The following DMD variants were observed in gnomAD, a reference collection of about 807,000 sequenced individuals.
The protein encoded by DMD is dystrophin.
Under a neutral mutation model 330.1 loss-of-function variants are expected in DMD, and 63 were observed. That is an observed-to-expected ratio of 0.19 (90% confidence interval 0.16 to 0.24). The LOEUF is 0.24. Ranked by LOEUF, DMD falls within the 10% of genes least tolerant of loss-of-function variation. The pLI is 1.00. For synonymous variants in DMD, 1,223 were observed against 959.8 expected (o/e 1.27, Z -5.07); for missense variants, 3,344 against 2,684.1 (o/e 1.25, Z -5.43).
intron 11 of DMD, among the ~76,000 whole-genome samples, chrX:32,618,461 T>A (rs948641232): frequency 1.8e-5 from 2 of 111,249 alleles, no homozygotes; most frequent in South Asian, 7.5e-4. Flanking sequence ...AGCTAAATGA[T>A]GAGAACACAT....
At chrX:32,018,671 A>C (rs757612100) in intron 44 of DMD, among the ~76,000 whole-genome samples, 1 of 111,499 alleles carries the variant, frequency 9.0e-6, no homozygotes, top group Non-Finnish European at 1.9e-5. Flanking sequence ...CGGCATATAT[A>C]GTTCCAGAGC....
At chrX:32,609,716 G>C (rs762546574) in intron 12 of DMD, among the ~76,000 whole-genome samples, 1 of 111,250 alleles carries the variant, frequency 9.0e-6, no homozygotes. Context: ...ATAGGTGACT[G>C]AGTTTCTAAG....
At position 32,176,989 on chromosome X, in the gene DMD, G is replaced by A. The variant is rs138687523; in HGVS notation, c.6438+39927C>T. Among the ~76,000 whole-genome samples the A allele has an allele frequency of 6.2e-4, 69 of 111,403 alleles. No homozygotes were observed. In the East Asian group the frequency reaches 0.017, roughly 27 times the overall value. ...TTTTCCCATTTCAAAAGAAATGGCA[G>A]TGTTATCTCCAGAGGTGTATGACAT... is the stretch of plus-strand genomic sequence containing the variant. On this transcript the variant is annotated intron_variant, in intron 44 of 78. Coordinates refer to ENST00000357033, the MANE Select transcript of DMD (RefSeq NM_004006.3).
chrX:31,801,445 A>G (rs917335474), intron 50 of DMD, among the ~76,000 whole-genome samples: 3 of 111,009 alleles, frequency 2.7e-5, no homozygotes, highest in African/African-American at 9.9e-5. Context: ...CAGCCAAACC[A>G]TATCATTGGT....
intron 2 of DMD, among the ~76,000 whole-genome samples, chrX:32,965,172 T>G (rs1050165391): frequency 9.0e-6 from 1 of 111,407 alleles, no homozygotes; most frequent in African/African-American, 3.3e-5. Flanking sequence ...TTGGGAAATA[T>G]AAAATGTATT....
At chrX:32,653,325 C>A (rs979871595) in intron 9 of DMD, among the ~76,000 whole-genome samples, 2 of 111,701 alleles carry the variant, frequency 1.8e-5, no homozygotes, top group African/African-American at 3.3e-5. Context: ...ATCTTGAATT[C>A]ATTTTTGTAT....
At chrX:32,178,940 TTCTCTC>T (rs528690053) in intron 44 of DMD, among the ~76,000 whole-genome samples, 1,836 of 68,585 alleles carry the variant, frequency 0.027, 46 homozygotes, top group African/African-American at 0.068. Context: ...AAACCCCAGA[TTCTCTC>T]TCTCTCTCTC....
At chrX:33,228,298 T>C (rs1424810550) in intron 1 of DMD, among the ~76,000 whole-genome samples, 1 of 108,970 alleles carries the variant, frequency 9.2e-6, no homozygotes, top group Non-Finnish European at 1.9e-5. Context: ...TGTGTGTGTG[T>C]GTGTGTGTGT....
At chrX:31,983,856 A>C (rs1569527407) in intron 44 of DMD, among the ~76,000 whole-genome samples, 1 of 111,840 alleles carries the variant, frequency 8.9e-6, no homozygotes. Context: ...TATTATTCCT[A>C]GGGTAAAGAC....
chrX:32,118,153 C>T (rs1239693510), intron 44 of DMD, among the ~76,000 whole-genome samples: 1 of 111,285 alleles, frequency 9.0e-6, no homozygotes. Context: ...TTTTATTGGC[C>T]TGTGAGGTGG....
At chrX:32,404,458 C>CA (rs1360273483) in intron 30 of DMD, among the ~76,000 whole-genome samples, 7 of 110,730 alleles carry the variant, frequency 6.3e-5, no homozygotes, top group East Asian at 5.7e-4. Flanking sequence ...CACGAGGTTA[C>CA]AAAAAAATGA....
intron 51 of DMD, among the ~76,000 whole-genome samples, chrX:31,743,492 A>G (rs182352368): frequency 1.8e-4 from 20 of 112,600 alleles, no homozygotes; most frequent in Non-Finnish European, 3.7e-5. Flanking sequence ...CGGTGCATAT[A>G]CACCATGGAA....
chrX:33,240,129 A>G (rs763215753), intron 1 of DMD, among the ~76,000 whole-genome samples: 1 of 111,527 alleles, frequency 9.0e-6, no homozygotes, highest in Non-Finnish European at 1.9e-5. Context: ...ATCATTAACT[A>G]TAGTCACCAT....
chrX:33,164,894 G>A (rs1409560539), intron 1 of DMD, among the ~76,000 whole-genome samples: 1 of 102,360 alleles, frequency 9.8e-6, no homozygotes, highest in African/African-American at 3.5e-5. Context: ...TGGCACTTGA[G>A]GTTATTATTT....
intron 63 of DMD, among the ~76,000 whole-genome samples, chrX:31,227,927 A>G (rs1228836479): frequency 3.7e-4 from 41 of 109,938 alleles, no homozygotes; most frequent in Non-Finnish European, 6.3e-4. Flanking sequence ...CTATGCAGCC[A>G]TAAAAAAGGA....
In DMD at chrX:32,742,281, G is replaced by A. The variant is rs147716660; in HGVS notation, c.650-42988C>T. Among the ~76,000 whole-genome samples, 90 of 111,827 alleles carry A rather than the reference G, an allele frequency of 8.0e-4. 1 individual carries two copies. The East Asian group carries it at 0.018, about 23-fold the overall frequency. On this transcript the variant is annotated intron_variant, in intron 7 of 78. Transcript: ENST00000357033. ...GAGGAAAGAATGATGTGTTTATTCC[G>A]TTCTAAAATAAAGCCAATGTTTTTA... is the stretch of plus-strand genomic sequence containing the variant.
At chrX:31,792,322 TTC>T (rs770127996) in intron 50 of DMD, among the ~76,000 whole-genome samples, 1 of 112,654 alleles carries the variant, frequency 8.9e-6, no homozygotes, top group African/African-American at 3.2e-5. Context: ...TAAAAATTAT[TTC>T]TTAGTATATC....
chrX:31,915,257 G>C (rs1438261190), intron 47 of DMD, among the ~76,000 whole-genome samples: 3 of 111,889 alleles, frequency 2.7e-5, no homozygotes, highest in Non-Finnish European at 5.6e-5. Flanking sequence ...AAGAAAGAGA[G>C]TGCATGGATA....
chrX:32,722,386 C>T (rs2066419088), intron 7 of DMD, among the ~76,000 whole-genome samples: 2 of 110,270 alleles, frequency 1.8e-5, no homozygotes, highest in Admixed American at 9.7e-5. Flanking sequence ...AACAAATAAT[C>T]GATAGATGTT....
Sources: gnomAD v4.1 joint callset for allele counts (sites outside exome capture counted in the v4.1 genomes callset) on GRCh38, gnomAD v4.1.1 for gene constraint, MANE v1.5 for transcripts, NCBI Gene and HGNC (gene_info 2026-07-23, HGNC 2026-07-21) for gene names.